The following MTERF4 variants were observed in gnomAD, a reference collection of about 807,000 sequenced individuals.
MTERF4 encodes mitochondrial transcription termination factor 4, also known as transcription termination factor 4, mitochondrial.
MTERF4 carries 17 observed loss-of-function variants against 22.5 expected under a neutral mutation model. The ratio of observed to expected loss-of-function variants is 0.75; its 90% confidence interval spans 0.52 to 1.13. The LOEUF is 1.13. Ranked by LOEUF, MTERF4 falls within the 50% of genes most tolerant of loss-of-function variation. The pLI is 0.00. For synonymous variants in MTERF4, 165 were observed against 175.3 expected (o/e 0.94, Z 0.47); for missense variants, 420 against 466.8 (o/e 0.90, Z 0.92).
At chr2:241,088,959 CA>C, downstream of MTERF4, 1 of 238,556 alleles carries the variant, frequency 4.2e-6, no homozygotes. Flanking sequence ...TCGTCACTGA[CA>C]CTGGGCTCAT....
At chr2:241,050,111 T>A in the MTERF4 span, 1 of 675,252 alleles carries the variant, frequency 1.5e-6, no homozygotes, top group Non-Finnish European at 2.8e-6. Context: ...ACTGTTTGGA[T>A]GGTTCTGATC....
the MTERF4 span, chr2:241,051,841 T>C: frequency 1.1e-5 from 17 of 1,557,974 alleles, no homozygotes; most frequent in Non-Finnish European, 1.5e-5. This position sits in a 1 kb window ranked among gnomAD's most constrained non-coding sequence, Gnocchi z 4.7. Flanking sequence ...ACCGCTTCAC[T>C]GGGAGGCACT....
At chr2:241,090,075 T>C (rs185464287), downstream of MTERF4, 1,175 of 1,516,078 alleles carry the variant, frequency 7.8e-4, 3 homozygotes, top group Admixed American at 1.4e-3. Context: ...TAGCTTACTG[T>C]AACTTTTTTA....
At chr2:241,062,896 G>A in the MTERF4 span, 1 of 1,598,558 alleles carries the variant, frequency 6.3e-7, no homozygotes. Context: ...GGCGCCCACT[G>A]TGAGCTGGGT....
the MTERF4 span, among the ~76,000 whole-genome samples, chr2:241,044,403 T>C: frequency 2.0e-4 from 31 of 152,264 alleles, 1 homozygote; most frequent in South Asian, 5.8e-3. Context: ...CCCCTGTCTC[T>C]CCCCCACTGA....
downstream of MTERF4, chr2:241,088,701 A>G (rs572477052): frequency 2.6e-4 from 110 of 418,138 alleles, no homozygotes; most frequent in Middle Eastern, 1.3e-3. Flanking sequence ...AAACCCCTAG[A>G]TCAGCTGCAG....
rs1424631128 is a variant in MTERF4, at chr2:241,099,749, G to C, written c.167C>G (p.Ser56Cys). 6.2e-7 allele frequency: 1 copy of C among 1,614,058 alleles called. No homozygotes were observed. The highest frequency in any genetic ancestry group is 8.5e-7 in the Non-Finnish European group (1 of 1,180,034). ...CACATAGTTATTGGATCTAACACAA[G>C]ATAACTCCTCAATGACCCCTCCATT... ...ASNGGVIEELSCVRSNNYVQE... is the reference protein window; with the variant it reads ...ASNGGVIEELCCVRSNNYVQE... The change falls in exon 2 of 4, where the codon TCT becomes TGT. Residue 56 changes from serine to cysteine, a missense_variant. Transcript: ENST00000391980.
chr2:241,050,358 C>G, the MTERF4 span, among the ~76,000 whole-genome samples: 1 of 152,188 alleles, frequency 6.6e-6, no homozygotes, highest in Non-Finnish European at 1.5e-5. Flanking sequence ...GCTATCCCCG[C>G]CAGGCCCCAC....
chr2:241,090,868 CAAAAAA>C (rs371271027), downstream of MTERF4, among the ~76,000 whole-genome samples: 4 of 100,798 alleles, frequency 4.0e-5, no homozygotes, highest in Admixed American at 1.1e-4. Flanking sequence ...CCCTCTGTCT[CAAAAAA>C]AAAAAAAAAA....
At chr2:241,082,342 G>A (rs368005548), downstream of MTERF4, 28 of 1,613,386 alleles carry the variant, frequency 1.7e-5, no homozygotes, top group African/African-American at 1.1e-4. Context: ...TCCAGTCTGG[G>A]AGGGAGGCGT....
At chr2:241,074,464 C>G (rs1249954634) in exon 5 of MTERF4, 1 of 152,188 alleles carries the variant, frequency 6.6e-6, no homozygotes, top group African/African-American at 2.4e-5. Context: ...AACATTTCAT[C>G]AGATGATTTG....
intron 4 of MTERF4, among the ~76,000 whole-genome samples, chr2:241,077,020 A>G (rs925633799): frequency 1.3e-5 from 2 of 151,584 alleles, no homozygotes; most frequent in Non-Finnish European, 2.9e-5. Context: ...TGGAGCTTGC[A>G]GTGAGCTGAG....
downstream of MTERF4, chr2:241,071,304 C>T (rs2062701887): frequency 1.8e-6 from 1 of 554,388 alleles, no homozygotes; most frequent in African/African-American, 1.9e-5. Context: ...GGGGCCTAGA[C>T]TCAGCCCTGC....
At chr2:241,051,878 A>C in the MTERF4 span, 8 of 1,522,654 alleles carry the variant, frequency 5.3e-6, no homozygotes, top group East Asian at 1.9e-4. This position sits in a 1 kb window ranked among gnomAD's most constrained non-coding sequence, Gnocchi z 4.7. Context: ...CCCCAGGGGC[A>C]GGGGGGAGGG....
At chr2:241,080,842 C>A (rs760751633) in intron 4 of MTERF4, among the ~76,000 whole-genome samples, 5 of 152,250 alleles carry the variant, frequency 3.3e-5, no homozygotes, top group Admixed American at 3.3e-4. Context: ...CGCTGCCGTG[C>A]CTGTGTGGAC....
downstream of MTERF4, chr2:241,082,189 G>T: frequency 9.5e-7 from 1 of 1,048,478 alleles, no homozygotes; most frequent in South Asian, 1.5e-5. Flanking sequence ...AAGGACCCCC[G>T]GGCCCTCTCC....
intron 4 of MTERF4, among the ~76,000 whole-genome samples, chr2:241,078,912 G>A (rs542714135): frequency 1.5e-4 from 22 of 151,670 alleles, no homozygotes; most frequent in African/African-American, 4.8e-4. Context: ...TCAGGAGTTC[G>A]AGACCAGCCT....
At chr2:241,092,121 G>A (rs994088258), downstream of MTERF4, 2 of 152,424 alleles carry the variant, frequency 1.3e-5, no homozygotes, top group Admixed American at 6.5e-5. The surrounding 1 kb of genome is among the most constrained non-coding windows in gnomAD (Gnocchi z 4.6). Flanking sequence ...GGGGCTGAAG[G>A]GCAGAGACCA....
intron 2 of MTERF4, chr2:241,099,053 C>T (rs2064583242): frequency 4.8e-6 from 1 of 208,956 alleles, no homozygotes; most frequent in Non-Finnish European, 9.7e-6. Context: ...CTTTCCCCAC[C>T]TCTGGCTCCT....
Sources: gnomAD v4.1 joint callset for allele counts (sites outside exome capture counted in the v4.1 genomes callset) on GRCh38, gnomAD v4.1.1 for gene constraint, Gnocchi (gnomAD v3.1) non-coding constraint, MANE v1.5 for transcripts, NCBI Gene and HGNC (gene_info 2026-07-23, HGNC 2026-07-21) for gene names.